Variants in IGF2BP2 observed in about 807,000 individuals in gnomAD.
IGF2BP2 encodes insulin like growth factor 2 mRNA binding protein 2.
In IGF2BP2, 17 loss-of-function variants were observed where a neutral mutation model predicts 75.8. That is an observed-to-expected ratio of 0.22 (90% confidence interval 0.15 to 0.34). The LOEUF (loss-of-function observed/expected upper bound fraction) is 0.34, where lower values mean the gene tolerates loss of function less well. Among genes scored for constraint, IGF2BP2 ranks in the 10% least tolerant of loss-of-function variants. IGF2BP2 has a pLI of 1.00. For synonymous variants in IGF2BP2, 288 were observed against 295.6 expected (o/e 0.97, Z 0.26); for missense variants, 516 against 772.4 (o/e 0.67, Z 3.93).
intron 5 of IGF2BP2, among the ~76,000 whole-genome samples, chr3:185,690,285 T>C (rs560097766): frequency 6.6e-6 from 1 of 152,318 alleles, no homozygotes; most frequent in African/African-American, 2.4e-5. Context: ...ATACATATTA[T>C]TGAAAATTCA....
intron 4 of IGF2BP2, among the ~76,000 whole-genome samples, chr3:185,695,897 C>T (rs987074066): frequency 6.6e-6 from 1 of 152,178 alleles, no homozygotes; most frequent in Admixed American, 6.5e-5. Context: ...AAGCGATTCT[C>T]GTGCCTCAGC....
At chr3:185,792,235 C>G (rs1736738214) in intron 2 of IGF2BP2, among the ~76,000 whole-genome samples, 1 of 152,064 alleles carries the variant, frequency 6.6e-6, no homozygotes, top group African/African-American at 2.4e-5. Context: ...TATGGCCCCT[C>G]CAAAAAAGCA....
At chr3:185,648,232 G>A (rs534879633) in intron 14 of IGF2BP2, among the ~76,000 whole-genome samples, 189 of 152,302 alleles carry the variant, frequency 1.2e-3, no homozygotes, top group Non-Finnish European at 1.9e-3. Context: ...CGAGGCGGGC[G>A]GATCACCTGA....
chr3:185,814,550 A>G (rs965987844), intron 2 of IGF2BP2, among the ~76,000 whole-genome samples: 1 of 152,218 alleles, frequency 6.6e-6, no homozygotes, highest in African/African-American at 2.4e-5. Context: ...CATTTTTCAA[A>G]GAGAAAGAAA....
intron 2 of IGF2BP2, among the ~76,000 whole-genome samples, chr3:185,712,246 G>C (rs1250315753): frequency 3.3e-5 from 5 of 151,804 alleles, no homozygotes; most frequent in African/African-American, 1.2e-4. Context: ...TTTTTTCCTT[G>C]GTGTGAAATG....
chr3:185,738,684 C>T (rs79796864), intron 2 of IGF2BP2, among the ~76,000 whole-genome samples: 258 of 152,332 alleles, frequency 1.7e-3, no homozygotes, highest in Admixed American at 3.3e-3. Flanking sequence ...CTATCATTTA[C>T]AGTTGCATTT....
chr3:185,802,840 G>C (rs1490677091), intron 2 of IGF2BP2, among the ~76,000 whole-genome samples: 1 of 152,198 alleles, frequency 6.6e-6, no homozygotes, highest in Non-Finnish European at 1.5e-5. Context: ...CCTGTTGTTA[G>C]AAAGACTTAA....
At chr3:185,651,856 C>T (rs1335699761) in intron 13 of IGF2BP2, among the ~76,000 whole-genome samples, 2 of 152,144 alleles carry the variant, frequency 1.3e-5, no homozygotes, top group African/African-American at 4.8e-5. Flanking sequence ...AGGGGCCACT[C>T]GAACTGGGCA....
At chr3:185,766,828 T>C (rs1026356164) in intron 2 of IGF2BP2, among the ~76,000 whole-genome samples, 7 of 152,366 alleles carry the variant, frequency 4.6e-5, no homozygotes, top group African/African-American at 1.7e-4. Flanking sequence ...AGTTTGAAAG[T>C]GGACTTGCCC....
chr3:185,678,879 CCT>C (rs1371784943), intron 7 of IGF2BP2, among the ~76,000 whole-genome samples: 2 of 152,058 alleles, frequency 1.3e-5, no homozygotes, highest in Non-Finnish European at 2.9e-5. Context: ...GTATAACGTC[CCT>C]CTTTGTCTCT....
At chr3:185,668,091 A>G (rs1362708357) in intron 10 of IGF2BP2, among the ~76,000 whole-genome samples, 1 of 152,208 alleles carries the variant, frequency 6.6e-6, no homozygotes, top group Non-Finnish European at 1.5e-5. Context: ...ATAATCCACA[A>G]TATCTTCAAG....
At chr3:185,747,115 T>A (rs965916372) in intron 2 of IGF2BP2, among the ~76,000 whole-genome samples, 1 of 152,230 alleles carries the variant, frequency 6.6e-6, no homozygotes, top group Non-Finnish European at 1.5e-5. Context: ...TACATATCAA[T>A]GGAATTACTA....
chr3:185,699,496 A>C (rs909176106), intron 2 of IGF2BP2, among the ~76,000 whole-genome samples: 7 of 152,226 alleles, frequency 4.6e-5, no homozygotes, highest in African/African-American at 1.7e-4. Flanking sequence ...TCAAAAGTTA[A>C]AACACTATAA....
chr3:185,700,060 G>A (rs1204532961), intron 2 of IGF2BP2, among the ~76,000 whole-genome samples: 1 of 152,046 alleles, frequency 6.6e-6, no homozygotes, highest in Non-Finnish European at 1.5e-5. Context: ...CATTTTGGGG[G>A]GTTGCCAGAA....
chr3:185,677,030 TATATATATATGGAG>T (rs1415670730), intron 7 of IGF2BP2, among the ~76,000 whole-genome samples: 6 of 113,904 alleles, frequency 5.3e-5, no homozygotes, highest in African/African-American at 2.1e-4. Flanking sequence ...GAGAGAGATA[TATATATATATGGAG>T]ATATATATAT....
chr3:185,663,663 C>T (rs935953328), intron 10 of IGF2BP2, among the ~76,000 whole-genome samples: 3 of 152,058 alleles, frequency 2.0e-5, no homozygotes, highest in Non-Finnish European at 2.9e-5. Context: ...GAGTGCAAAG[C>T]GCAAGGACCA....
intron 10 of IGF2BP2, among the ~76,000 whole-genome samples, chr3:185,667,896 T>G (rs1224840329): frequency 1.3e-5 from 2 of 152,240 alleles, no homozygotes; most frequent in Non-Finnish European, 2.9e-5. Context: ...TGTGTTTCTG[T>G]GTCTGCATTT....
At chr3:185,655,176 G>A (rs1484526531) in intron 12 of IGF2BP2, among the ~76,000 whole-genome samples, 1 of 152,216 alleles carries the variant, frequency 6.6e-6, no homozygotes, top group Non-Finnish European at 1.5e-5. Context: ...CTGTCACCAA[G>A]GCTGGAGTGC....
chr3:185,663,135 T>C (rs530428555), intron 10 of IGF2BP2, among the ~76,000 whole-genome samples: 2 of 152,346 alleles, frequency 1.3e-5, no homozygotes, highest in East Asian at 1.9e-4. Context: ...GACATCTGGT[T>C]CAAGTCCCTG....
Sources: allele counts gnomAD v4.1 joint callset (sites outside exome capture counted in the v4.1 genomes callset), GRCh38; gene constraint gnomAD v4.1.1; transcripts MANE v1.5; gene names NCBI Gene and HGNC (gene_info 2026-07-23, HGNC 2026-07-21).